AHCTF1: variants seen among roughly 807,000 people sequenced by gnomAD.
AHCTF1 encodes the protein AT-hook containing transcription factor 1, also known as protein ELYS.
A neutral mutation model predicts 248.4 loss-of-function variants in AHCTF1; 24 were observed. That is an observed-to-expected ratio of 0.10 (90% CI 0.07 to 0.14). AHCTF1 has a LOEUF of 0.14. Among genes scored for constraint, AHCTF1 ranks in the 10% least tolerant of loss-of-function variants. The pLI is 1.00. For synonymous variants in AHCTF1, 786 were observed against 929.8 expected, an observed-to-expected ratio of 0.85 and a Z score of 2.81; for missense variants, 2,206 against 2,636.2, an observed-to-expected ratio of 0.84 and a Z score of 3.57.
At chr1:246,892,113 C>T (rs1664245786) in intron 14 of AHCTF1, among the ~76,000 whole-genome samples, 194 bp from the exon 15 acceptor site, 1 of 151,984 alleles carries the variant, frequency 6.6e-6, no homozygotes, top group Admixed American at 6.6e-5. Context: ...CTAGCAAAAG[C>T]CAAGAGTGAG....
chr1:246,925,934 G>A (rs192957816), intron 1 of AHCTF1, among the ~76,000 whole-genome samples: 12 of 151,886 alleles, frequency 7.9e-5, no homozygotes, highest in South Asian at 2.1e-4. Context: ...GTGTGGTGGC[G>A]CCTGCCTGTA....
intron 1 of AHCTF1, among the ~76,000 whole-genome samples, chr1:246,927,988 G>A (rs1331239298): frequency 6.6e-6 from 1 of 151,790 alleles, no homozygotes; most frequent in East Asian, 1.9e-4. Context: ...GACAGAGCAA[G>A]ACTCCGCCAC....
chr1:246,844,418 C>G (rs1237357335), intron 33 of AHCTF1, among the ~76,000 whole-genome samples: 1 of 152,194 alleles, frequency 6.6e-6, no homozygotes, highest in Admixed American at 6.5e-5. Context: ...CAGAAAAGTT[C>G]ATCTCCACAA....
intron 1 of AHCTF1, among the ~76,000 whole-genome samples, chr1:246,921,222 GA>G (rs543947162): frequency 1.3e-5 from 2 of 151,958 alleles, no homozygotes; most frequent in East Asian, 1.9e-4. Flanking sequence ...ACAAAACTAT[GA>G]AAAAAACAAA....
Position 246,913,983 on chromosome 1 carries a change from T to C in AHCTF1, c.376-571A>G, listed in dbSNP as rs1572459712. The stretch of plus-strand genomic sequence containing the variant: ...TTATACCTTAAAGACTGAAGAGGTC[T>C]AACCTTCTTTCTATTGGACTTCATA... On this transcript the variant is annotated intron_variant, in intron 3 of 35. Coordinates refer to ENST00000648844, the MANE Select transcript of AHCTF1 (RefSeq NM_001323342.2). Among the ~76,000 whole-genome samples, 3 of 152,224 alleles carry C rather than the reference T, an allele frequency of 2.0e-5. No homozygotes were observed. In the East Asian group the frequency reaches 5.8e-4, roughly 29 times the overall value.
At chr1:246,852,749 GTTTA>G (rs893737350) in intron 32 of AHCTF1, among the ~76,000 whole-genome samples, 3 of 151,948 alleles carry the variant, frequency 2.0e-5, no homozygotes, top group Admixed American at 6.6e-5. Context: ...ATGAAAACCA[GTTTA>G]TTTATTTATT....
intron 32 of AHCTF1, 96 bp downstream of exon 32, chr1:246,852,995 A>C (rs2103047755): frequency 3.4e-6 from 3 of 873,566 alleles, no homozygotes; most frequent in Non-Finnish European, 5.2e-6. Context: ...ATAGCAGTCA[A>C]ATAAATGAAC....
chr1:246,900,291 CATACAA>C (rs753121506), intron 9 of AHCTF1, 40 bp downstream of exon 9: 2 of 1,583,116 alleles, frequency 1.3e-6, no homozygotes, highest in East Asian at 4.5e-5. Context: ...GTCAGCTACA[CATACAA>C]ATACAAAGAG....
intron 13 of AHCTF1, among the ~76,000 whole-genome samples, chr1:246,895,093 T>C (rs945761636): frequency 2.0e-5 from 3 of 152,084 alleles, no homozygotes; most frequent in Non-Finnish European, 4.4e-5. Context: ...AGGGAAATTA[T>C]AAAAACAATT....
At chr1:246,856,944 T>C (rs1355424201) in intron 30 of AHCTF1, among the ~76,000 whole-genome samples, 1 of 152,262 alleles carries the variant, frequency 6.6e-6, no homozygotes, top group Non-Finnish European at 1.5e-5. Context: ...CCCTTACTAC[T>C]ACTTGATAAC....
intron 14 of AHCTF1, among the ~76,000 whole-genome samples, chr1:246,893,600 C>A: frequency 6.6e-6 from 1 of 152,134 alleles, no homozygotes; most frequent in African/African-American, 2.4e-5. Context: ...AAATGAACAA[C>A]AGATTAATAA....
At chr1:246,860,789 GAGCC>G in intron 29 of AHCTF1, 106 bp downstream of exon 29, 4 of 1,401,252 alleles carry the variant, frequency 2.9e-6, no homozygotes, top group Non-Finnish European at 3.9e-6. Flanking sequence ...TAACTAGCAT[GAGCC>G]ACAGTACCTG....
chr1:246,850,403 G>A lies in AHCTF1; in HGVS notation c.5603C>T (p.Thr1868Ile). 1.2e-6 allele frequency: 2 copies of A among 1,605,706 alleles called. No homozygotes were observed. Among genetic ancestry groups the A allele is most frequent in the Non-Finnish European group, 8.5e-7 (1 of 1,177,714 alleles). ...TTTAATTCTTCTAGGAGTCCTTTTT[G>A]TAACAGATGAAACCTTAACTTCTTT... ...TKKEVKVSSV[T>I]KRTPRRIKRS... Residue 1868 changes from threonine to isoleucine, a missense_variant, in exon 33 of 36, where the codon ACA (threonine) becomes ATA (isoleucine). Physicochemically the swap from Thr to Ile is moderately conservative, Grantham distance 89. Transcript: ENST00000648844.
chr1:246,919,735 T>A (rs1050201956), intron 1 of AHCTF1, among the ~76,000 whole-genome samples: 6 of 151,502 alleles, frequency 4.0e-5, no homozygotes, highest in Non-Finnish European at 7.4e-5. Context: ...GAGAAGAATT[T>A]ATTATCAAGT....
chr1:246,899,324 C>A (rs2103166568), intron 11 of AHCTF1, 127 bp downstream of exon 11: 1 of 692,980 alleles, frequency 1.4e-6, no homozygotes, highest in Non-Finnish European at 2.3e-6. Context: ...ATCTCATAAA[C>A]CTAGCAGAAG....
In AHCTF1 at chr1:246,850,979, A is replaced by G. The variant is rs1660670251; in HGVS notation, c.5027T>C (p.Ile1676Thr). Residue 1676 changes from isoleucine to threonine, a missense_variant, in exon 33 of 36, where the codon ATT becomes ACT. Physicochemically the swap from Ile to Thr is moderately conservative, Grantham distance 89. Transcript: ENST00000648844. Reference protein sequence around the residue: ...VAIAENLLDVIKDTRSKEITS... With the variant: ...VAIAENLLDVTKDTRSKEITS... The stretch of plus-strand genomic sequence containing the variant: ...AATTTCTTTACTTCTTGTGTCTTTA[A>G]TTACATCTAGTAAATTTTCTGCAAT... The G allele has an allele frequency of 6.2e-7, 1 of 1,613,772 alleles. No individual in the cohort carries two copies.
intron 6 of AHCTF1, among the ~76,000 whole-genome samples, 194 bp from the exon 7 acceptor site, chr1:246,904,227 C>T (rs1665224562): frequency 6.6e-6 from 1 of 152,134 alleles, no homozygotes; most frequent in Non-Finnish European, 1.5e-5. Flanking sequence ...ATTATTGATT[C>T]TAATCAACTA....
rs890837847 is a variant in AHCTF1, at chr1:246,916,011, C to T, written c.375+131G>A. The T allele has an allele frequency of 6.5e-6, 7 of 1,079,596 alleles. No homozygotes were observed. The Admixed American group carries it at 8.9e-5, about 14-fold the overall frequency. 66.9% of individuals were successfully genotyped at this position (1,079,596 alleles called of 1,614,324 possible). On this transcript the variant is annotated intron_variant, in intron 3 of 35. Coordinates refer to ENST00000648844, the MANE Select transcript of AHCTF1 (RefSeq NM_001323342.2). ...TTCTAAACACTTTACCTAAGAGTAA[C>T]ACATTTACATAAAAGTATACAAATT...
intron 1 of AHCTF1, among the ~76,000 whole-genome samples, chr1:246,918,920 T>C (rs1666333023): frequency 1.3e-5 from 2 of 152,216 alleles, no homozygotes; most frequent in African/African-American, 4.8e-5. Flanking sequence ...GAAAAATCAC[T>C]TCTTCAGTAA....
Sources: gnomAD v4.1 joint callset for allele counts (sites outside exome capture counted in the v4.1 genomes callset) on GRCh38, gnomAD v4.1.1 for gene constraint, MANE v1.5 for transcripts, NCBI Gene and HGNC (gene_info 2026-07-23, HGNC 2026-07-21) for gene names.